The following SLC39A14 variants were observed in gnomAD, a reference collection of about 807,000 sequenced individuals.
The protein encoded by SLC39A14 is metal cation symporter ZIP14.
SLC39A14 carries 19 observed loss-of-function variants against 45.5 expected under a neutral mutation model. That is an observed-to-expected ratio of 0.42 (90% confidence interval 0.29 to 0.61). The LOEUF (loss-of-function observed/expected upper bound fraction) is 0.61. Among genes scored for constraint, SLC39A14 ranks in the 20% least tolerant of loss-of-function variants. SLC39A14 has a pLI of 0.22. For missense variants in SLC39A14, 447 were observed against 616.5 expected (o/e 0.73, Z 2.91); for synonymous variants, 264 against 251.3 (o/e 1.05, Z -0.48).
At chr8:22,410,328 A>G (rs780388075) in intron 3 of SLC39A14, among the ~76,000 whole-genome samples, 3 of 152,156 alleles carry the variant, frequency 2.0e-5, no homozygotes, top group Non-Finnish European at 4.4e-5. Context: ...GTCAGATGCA[A>G]GGTTCTTCCA....
chr8:22,413,169 C>G (rs1325444333), intron 4 of SLC39A14, among the ~76,000 whole-genome samples: 1 of 152,178 alleles, frequency 6.6e-6, no homozygotes, highest in African/African-American at 2.4e-5. Flanking sequence ...TTACAATAAG[C>G]ACAGGACGTC....
intron 8 of SLC39A14, among the ~76,000 whole-genome samples, chr8:22,428,027 G>A (rs1053199384): frequency 2.0e-5 from 3 of 152,108 alleles, no homozygotes; most frequent in Admixed American, 1.3e-4. Context: ...GGCCTGGTGC[G>A]GTAGCTCACG....
At position 22,421,571 on chromosome 8, in the gene SLC39A14, A is replaced by T. The variant is rs1474506050; in HGVS notation, c.*1873A>T. On this transcript the variant is annotated 3_prime_UTR_variant, in exon 9 of 9. Coordinates refer to ENST00000381237, the MANE Select transcript of SLC39A14 (RefSeq NM_001128431.4). ...TCTAACTTTTTATATTGTCATTATT[A>T]TTGTTGTTTTTAAACGGTTCTTTGT... is the stretch of plus-strand genomic sequence containing the variant. 3 of 985,218 alleles carry T rather than the reference A, an allele frequency of 3.0e-6. No individual in the cohort carries two copies. In the African/African-American group the frequency reaches 5.2e-5, roughly 17 times the overall value. 61.0% of individuals were successfully genotyped at this position (985,218 alleles called of 1,614,324 possible). A position where few individuals can be genotyped will look rare whatever the true frequency, so the allele number is the denominator to read the frequency against.
At chr8:22,403,938 A>G (rs1231125145) in intron 1 of SLC39A14, among the ~76,000 whole-genome samples, 1 of 151,676 alleles carries the variant, frequency 6.6e-6, no homozygotes, top group Non-Finnish European at 1.5e-5. Context: ...AAACAAACAA[A>G]CAAAAACTAG....
At chr8:22,375,509 G>A (rs572285478) in intron 1 of SLC39A14, among the ~76,000 whole-genome samples, 10 of 149,462 alleles carry the variant, frequency 6.7e-5, no homozygotes, top group Non-Finnish European at 8.9e-5. Context: ...TTTTTGAGAC[G>A]GAGTCTCACT....
chr8:22,385,601 T>C (rs1833749626), intron 1 of SLC39A14, among the ~76,000 whole-genome samples: 1 of 152,158 alleles, frequency 6.6e-6, no homozygotes, highest in Non-Finnish European at 1.5e-5. Context: ...AGGGCCTGGG[T>C]GGCTGGAGCC....
chr8:22,426,769 C>T (rs1005994876), downstream of SLC39A14, among the ~76,000 whole-genome samples: 2 of 151,958 alleles, frequency 1.3e-5, no homozygotes, highest in African/African-American at 4.8e-5. Flanking sequence ...CTGCAACCTC[C>T]GCCTCCCAGG....
intron 4 of SLC39A14, 60 bp downstream of exon 4, chr8:22,412,266 C>T (rs542318292): frequency 7.9e-6 from 12 of 1,518,428 alleles, no homozygotes; most frequent in African/African-American, 4.1e-5. Context: ...GGAGGACCTC[C>T]GTTTGGATAG....
At chr8:22,410,030 C>T (rs774376442) in intron 3 of SLC39A14, 30 of 1,614,002 alleles carry the variant, frequency 1.9e-5, no homozygotes, top group Non-Finnish European at 2.4e-5. Flanking sequence ...ACAGAGAAAG[C>T]GTTTTTCAGC....
rs1050003357 is a variant in SLC39A14 at position 22,367,653 on chromosome 8, G to A, written c.-16+245G>A. ...GGTGCGGGATGCTAGAGCCGCAGAAGGGTGCCCAGAGCGTGGGTCGCCGCG... is the reference window on the plus strand; with the variant it reads ...GGTGCGGGATGCTAGAGCCGCAGAAAGGTGCCCAGAGCGTGGGTCGCCGCG... On this transcript the variant is annotated intron_variant, in intron 1 of 8. Coordinates refer to ENST00000381237, the MANE Select transcript of SLC39A14 (RefSeq NM_001128431.4). This position sits in a 1 kb window ranked among gnomAD's most constrained non-coding sequence, Gnocchi z 4.2. 6.6e-6 allele frequency: 1 copy of A among 152,316 alleles called. No individual in the cohort carries two copies. The highest frequency in any genetic ancestry group is 1.5e-5 in the Non-Finnish European group (1 of 68,120). The allele number at this position is 152,316 out of a possible 1,614,324, so 9.4% of individuals were successfully genotyped here.
At chr8:22,394,393 C>G (rs1193797532) in intron 1 of SLC39A14, among the ~76,000 whole-genome samples, 5 of 149,680 alleles carry the variant, frequency 3.3e-5, no homozygotes, top group East Asian at 2.0e-4. Context: ...GATCTCGGCT[C>G]ACTACAAGCT....
chr8:22,381,383 G>A (rs1833504463), intron 1 of SLC39A14, among the ~76,000 whole-genome samples: 1 of 152,030 alleles, frequency 6.6e-6, no homozygotes, highest in African/African-American at 2.4e-5. Context: ...CCATTCTCCT[G>A]CCTCAGCCTC....
At chr8:22,401,077 GTTAC>G (rs1387486096) in intron 1 of SLC39A14, among the ~76,000 whole-genome samples, 13 of 152,220 alleles carry the variant, frequency 8.5e-5, no homozygotes, top group Admixed American at 7.2e-4. Context: ...CTTGTCTGTA[GTTAC>G]TTACAAGCAG....
intron 8 of SLC39A14, among the ~76,000 whole-genome samples, chr8:22,419,027 GAA>G (rs34995511): frequency 1.3e-5 from 2 of 148,462 alleles, no homozygotes; most frequent in East Asian, 2.0e-4. Flanking sequence ...TGGAAAAAAG[GAA>G]AAAAAAAAGT....
At chr8:22,391,231 A>G (rs909902780) in intron 1 of SLC39A14, among the ~76,000 whole-genome samples, 1 of 152,084 alleles carries the variant, frequency 6.6e-6, no homozygotes, top group African/African-American at 2.4e-5. Context: ...CATTCAGGTT[A>G]GGTTCCTTGT....
intron 1 of SLC39A14, chr8:22,392,912 C>G (rs1055386567): frequency 6.6e-6 from 1 of 152,408 alleles, no homozygotes; most frequent in Non-Finnish European, 1.5e-5. Flanking sequence ...GACCACCCGT[C>G]TCTGCCTCAT....
intron 1 of SLC39A14, among the ~76,000 whole-genome samples, chr8:22,381,582 TA>T (rs1273572251): frequency 1.8e-4 from 28 of 152,332 alleles, no homozygotes; most frequent in African/African-American, 6.5e-4. Flanking sequence ...TAAATTTTTT[TA>T]AATGCAAGAA....
intron 3 of SLC39A14, 65 bp from the exon 4 acceptor site, chr8:22,411,972 G>C (rs1192763533): frequency 7.6e-6 from 11 of 1,446,846 alleles, no homozygotes; most frequent in Non-Finnish European, 1.0e-5. Flanking sequence ...GGTGGTTGCT[G>C]TGCAATGGGG....
In SLC39A14 at chr8:22,421,935, C is replaced by G; in HGVS notation, c.*2237C>G. 4.1e-6 allele frequency: 4 copies of G among 985,408 alleles called. No individual in the cohort carries two copies. The highest frequency in any genetic ancestry group is 2.4e-6 in the Non-Finnish European group (2 of 829,924). 61.0% of individuals were successfully genotyped at this position (985,408 alleles called of 1,614,324 possible). ...TAGACAGCTGCCTCAAAGGGAAATC[C>G]TCTTTAAACCGTAGTTGGCGCAGAG... On this transcript the variant is annotated 3_prime_UTR_variant, in exon 9 of 9. Transcript: ENST00000381237.
Sources: gnomAD v4.1 joint callset for allele counts (sites outside exome capture counted in the v4.1 genomes callset) on GRCh38, gnomAD v4.1.1 for gene constraint, Gnocchi (gnomAD v3.1) non-coding constraint, MANE v1.5 for transcripts, NCBI Gene and HGNC (gene_info 2026-07-23, HGNC 2026-07-21) for gene names.